Variants in CACNB2 observed in about 807,000 individuals in gnomAD.
The protein encoded by CACNB2 is voltage-dependent L-type calcium channel subunit beta-2.
In CACNB2, 42 loss-of-function variants were observed where a neutral mutation model predicts 73.3. The observed-to-expected ratio is 0.57, with a 90% CI of 0.45 to 0.74. The LOEUF (loss-of-function observed/expected upper bound fraction) is 0.74, where lower values mean the gene tolerates loss of function less well. Ranked by LOEUF, CACNB2 falls within the 30% of genes least tolerant of loss-of-function variation. The probability of loss-of-function intolerance (pLI) is 0.00; values close to 1 mark genes in which losing one functional copy is unlikely to be tolerated. For missense variants in CACNB2, 940 were observed against 853.0 expected, an observed-to-expected ratio of 1.10 and a Z score of -1.27; for synonymous variants, 348 against 310.3, an observed-to-expected ratio of 1.12 and a Z score of -1.28.
At position 18,307,983 on chromosome 10, in the gene CACNB2, C is replaced by CATTTTTTTTTTTTTTTTTTTTTT. The variant is rs1356604464; in HGVS notation, c.214-93941_214-93940insATTTTTTTTTTTTTTTTTTTTTT. Among the ~76,000 whole-genome samples the CATTTTTTTTTTTTTTTTTTTTTT allele has an allele frequency of 4.3e-5, 3 of 70,244 alleles. 1 individual carries two copies. The highest frequency in any genetic ancestry group is 1.8e-4 in the African/African-American group (3 of 16,764). The allele number at this position is 70,244 out of a possible 152,430, so 46.1% of individuals were successfully genotyped here. A position where few individuals can be genotyped will look rare whatever the true frequency, so the allele number is the denominator to read the frequency against. ...TTAAGTCTAAAATAATATATGCCAA[C>CATTTTTTTTTTTTTTTTTTTTTT]TTTTTTTTTTTTTTTTTTTTTTTTT... On this transcript the variant is annotated intron_variant, in intron 2 of 13. Transcript: ENST00000324631.
At chr10:18,535,088 T>C (rs1443833485) in intron 11 of CACNB2, among the ~76,000 whole-genome samples, 1 of 152,236 alleles carries the variant, frequency 6.6e-6, no homozygotes, top group African/African-American at 2.4e-5. Context: ...TTTAATAATG[T>C]ATAATGAAAT....
intron 2 of CACNB2, among the ~76,000 whole-genome samples, chr10:18,370,339 G>A (rs1332300485): frequency 6.6e-6 from 1 of 152,188 alleles, no homozygotes; most frequent in African/African-American, 2.4e-5. Flanking sequence ...TGTCACCCAG[G>A]CTAGAGTACA....
chr10:18,502,610 G>A (rs564266826), intron 5 of CACNB2, among the ~76,000 whole-genome samples: 5 of 130,622 alleles, frequency 3.8e-5, no homozygotes, highest in Admixed American at 3.7e-4. Flanking sequence ...GAATCACTTC[G>A]AACCCGGGAG....
At chr10:18,524,863 A>G (rs910963654) in intron 9 of CACNB2, among the ~76,000 whole-genome samples, 76 of 116,072 alleles carry the variant, frequency 6.5e-4, no homozygotes, top group African/African-American at 2.1e-3. Context: ...TGTTTCTACT[A>G]AAAAAAAAAA....
chr10:18,460,782 C>G (rs2132672371), intron 3 of CACNB2, among the ~76,000 whole-genome samples: 1 of 150,998 alleles, frequency 6.6e-6, no homozygotes, highest in Non-Finnish European at 1.5e-5. Flanking sequence ...CCCAGCTACT[C>G]AGGAAGATGA....
rs1033793811 is a variant in CACNB2 at position 18,362,733 on chromosome 10, A to G, written c.214-39191A>G. Among the ~76,000 whole-genome samples, 8 of 152,132 alleles carry G rather than the reference A, an allele frequency of 5.3e-5. No individual in the cohort carries two copies. The East Asian group carries it at 1.2e-3, about 22-fold the overall frequency. ...GGAATTTGAGACCAGCCTGGCCAAC[A>G]TGGTGAAAACCCGTCTCTACCAAAA... On this transcript the variant is annotated intron_variant, in intron 2 of 13. Transcript: ENST00000324631.
At chr10:18,537,177 G>A (rs1471699606) in intron 12 of CACNB2, among the ~76,000 whole-genome samples, 5 of 151,860 alleles carry the variant, frequency 3.3e-5, no homozygotes, top group Non-Finnish European at 5.9e-5. Context: ...TAGTAGAGAC[G>A]GGGCTTTGCC....
Position 18,416,951 on chromosome 10 carries a change from A to AT in CACNB2, c.333+14921dup, listed in dbSNP as rs756030045. 4.0e-3 allele frequency among the ~76,000 whole-genome samples: 569 copies of AT among 140,680 alleles called. 3 individuals are homozygous for AT. The highest frequency in any genetic ancestry group is 9.0e-3 in the African/African-American group (345 of 38,478). The allele number at this position is 140,680 out of a possible 152,430, so 92.3% of individuals were successfully genotyped here. A position where few individuals can be genotyped will look rare whatever the true frequency, so the allele number is the denominator to read the frequency against. ...GGGCAAGGACCCAGGCTTCTGCCTC[A>AT]TTTTTTTTTTTTTAATGTTCTTTCA... On this transcript the variant is annotated intron_variant, in intron 3 of 13. Transcript: ENST00000324631.
At chr10:18,298,843 T>C (rs2039384589) in intron 2 of CACNB2, among the ~76,000 whole-genome samples, 1 of 152,122 alleles carries the variant, frequency 6.6e-6, no homozygotes, top group African/African-American at 2.4e-5. Context: ...TCTTCCACTC[T>C]GCAAAAACTG....
Position 18,473,508 on chromosome 10 carries a change from A to G in CACNB2, c.334-24847A>G, listed in dbSNP as rs2048294029. ...AATTCAGAATCACCAGTGCTAGTTT[A>G]CTTTCAGTTCAAGACAGCAAGCCTG... On this transcript the variant is annotated intron_variant, in intron 3 of 13. Transcript: ENST00000324631. Among the ~76,000 whole-genome samples, 3 of 152,162 alleles carry G rather than the reference A, an allele frequency of 2.0e-5. No individual in the cohort carries two copies. In the South Asian group the frequency reaches 6.2e-4, roughly 32 times the overall value.
chr10:18,451,374 C>G (rs901190489), intron 3 of CACNB2, among the ~76,000 whole-genome samples: 3 of 152,166 alleles, frequency 2.0e-5, no homozygotes, highest in African/African-American at 7.2e-5. Flanking sequence ...CACAAGCTGT[C>G]ACCTCCCACC....
At chr10:18,301,179 T>G (rs1434938552) in intron 2 of CACNB2, among the ~76,000 whole-genome samples, 4 of 152,182 alleles carry the variant, frequency 2.6e-5, no homozygotes, top group African/African-American at 9.7e-5. Context: ...CATTTGCTGT[T>G]TCTGAACTTT....
At chr10:18,207,577 T>C (rs1488743464) in intron 2 of CACNB2, among the ~76,000 whole-genome samples, 1 of 152,220 alleles carries the variant, frequency 6.6e-6, no homozygotes, top group Non-Finnish European at 1.5e-5. Context: ...TATTGAAGTT[T>C]GTAACATATA....
chr10:18,269,718 A>C, intron 2 of CACNB2, among the ~76,000 whole-genome samples: 1 of 152,200 alleles, frequency 6.6e-6, no homozygotes, highest in East Asian at 1.9e-4. Context: ...TGGTTATACA[A>C]GACTGAGCTC....
chr10:18,261,329 T>C (rs1466449942), intron 2 of CACNB2: 1 of 1,551,558 alleles, frequency 6.4e-7, no homozygotes, highest in East Asian at 2.4e-5. Context: ...TAAGTTTCTA[T>C]TGCTGTAGAA....
chr10:18,538,131 G>C, intron 12 of CACNB2, 49 bp from the exon 13 acceptor site: 1 of 1,592,126 alleles, frequency 6.3e-7, no homozygotes, highest in Non-Finnish European at 8.6e-7. Context: ...TGGGAAGGGG[G>C]TGAAAACTGG....
At chr10:18,422,826 G>T (rs1387291457) in intron 3 of CACNB2, among the ~76,000 whole-genome samples, 1 of 152,090 alleles carries the variant, frequency 6.6e-6, no homozygotes, top group South Asian at 2.1e-4. Flanking sequence ...AGCCTCCCAA[G>T]TAGCTGCGAT....
At chr10:18,337,087 T>A (rs1329299342) in intron 2 of CACNB2, among the ~76,000 whole-genome samples, 3 of 152,166 alleles carry the variant, frequency 2.0e-5, no homozygotes, top group Non-Finnish European at 2.9e-5. Context: ...TCCACTTTTT[T>A]CTTTTGCTTT....
At chr10:18,279,877 G>A (rs1181455734) in intron 2 of CACNB2, among the ~76,000 whole-genome samples, 1 of 152,126 alleles carries the variant, frequency 6.6e-6, no homozygotes, top group African/African-American at 2.4e-5. Context: ...GTCTGGAGTT[G>A]AAGACCAGCC....
Sources: allele counts gnomAD v4.1 joint callset (sites outside exome capture counted in the v4.1 genomes callset), GRCh38; gene constraint gnomAD v4.1.1; transcripts MANE v1.5; gene names NCBI Gene and HGNC (gene_info 2026-07-23, HGNC 2026-07-21).